COL24A1: variants seen among roughly 807,000 people sequenced by gnomAD.
COL24A1 encodes the protein collagen type XXIV alpha 1 chain.
In COL24A1, 224 loss-of-function variants were observed where a neutral mutation model predicts 253.9. The observed-to-expected ratio is 0.88, with a 90% CI of 0.79 to 0.99. The LOEUF (loss-of-function observed/expected upper bound fraction) is 0.99. COL24A1 is among the 50% of genes least tolerant of loss of function. The pLI is 0.00. For missense variants in COL24A1, 2,131 were observed against 2,068.5 expected, an observed-to-expected ratio of 1.03 and a Z score of -0.59; for synonymous variants, 685 against 673.7, an observed-to-expected ratio of 1.02 and a Z score of -0.26.
intron 26 of COL24A1, 102 bp from the exon 27 acceptor site, chr1:85,908,753 A>C: frequency 2.2e-6 from 1 of 463,874 alleles, no homozygotes; most frequent in Non-Finnish European, 3.8e-6. Flanking sequence ...AAAAAGGGAT[A>C]ATTTGACACA....
chr1:85,910,105 A>C, intron 25 of COL24A1, 102 bp from the exon 26 acceptor site: 1 of 710,406 alleles, frequency 1.4e-6, no homozygotes, highest in Middle Eastern at 2.6e-4. Flanking sequence ...ATCATGTCTT[A>C]CATGCATACA....
chr1:85,849,587 C>T (rs1442607179), intron 37 of COL24A1, among the ~76,000 whole-genome samples, 181 bp from the exon 38 acceptor site: 2 of 151,960 alleles, frequency 1.3e-5, no homozygotes, highest in Admixed American at 6.6e-5. Context: ...AGAGGTGTAG[C>T]TGTTATTAGC....
rs141174959 is a variant in COL24A1, at chr1:86,069,861, A to T, written c.1708-6102T>A. 2.0e-5 allele frequency among the ~76,000 whole-genome samples: 3 copies of T among 152,348 alleles called. No individual in the cohort carries two copies. The East Asian group carries it at 5.8e-4, about 29-fold the overall frequency. ...GAAAGCCTTCCCAAGAAGGACAGGC[A>T]CAAACAAGCCCAGACTATGAAGACT... On this transcript the variant is annotated intron_variant, in intron 7 of 59. Coordinates refer to ENST00000370571, the MANE Select transcript of COL24A1 (RefSeq NM_152890.7).
In COL24A1 at chr1:85,945,018, T is replaced by TTTTTTTTG. The variant is rs1553237033; in HGVS notation, c.2562+16230_2562+16231insCAAAAAAA. Among the ~76,000 whole-genome samples the TTTTTTTTG allele has an allele frequency of 7.4e-3, 643 of 86,852 alleles. 39 individuals are homozygous for TTTTTTTTG. Among genetic ancestry groups the TTTTTTTTG allele is most frequent in the East Asian group, 0.016 (38 of 2,372 alleles). The allele number at this position is 86,852 out of a possible 152,430, so 57.0% of individuals were successfully genotyped here. A position where few individuals can be genotyped will look rare whatever the true frequency, so the allele number is the denominator to read the frequency against. ...TATCATTGTGTTTTTTTTTTTTTTT[T>TTTTTTTTG]TTTTTTTTTTTTTTTTTGAGACAGA... On this transcript the variant is annotated intron_variant, in intron 24 of 59. Coordinates refer to ENST00000370571, the MANE Select transcript of COL24A1 (RefSeq NM_152890.7).
chr1:85,815,048 T>C (rs544785641), intron 47 of COL24A1, among the ~76,000 whole-genome samples: 151 of 152,318 alleles, frequency 9.9e-4, no homozygotes, highest in African/African-American at 3.1e-3. Flanking sequence ...TATAAACTAT[T>C]GGGTCCATCC....
chr1:85,997,055 G>GTGTATA lies in COL24A1; in HGVS notation c.2311-9402_2311-9401insTATACA. On this transcript the variant is annotated intron_variant, in intron 19 of 59. Coordinates refer to ENST00000370571, the MANE Select transcript of COL24A1 (RefSeq NM_152890.7). ...TATATATATATATGTGTGTGTGTGT[G>GTGTATA]TATATATATATATATATATATATAT... Among the ~76,000 whole-genome samples, 386 of 95,096 alleles carry GTGTATA rather than the reference G, an allele frequency of 4.1e-3. 3 individuals are homozygous for GTGTATA. Among genetic ancestry groups the GTGTATA allele is most frequent in the Middle Eastern group, 0.015 (3 of 198 alleles). 62.4% of individuals were successfully genotyped at this position (95,096 alleles called of 152,430 possible). A position where few individuals can be genotyped will look rare whatever the true frequency, so the allele number is the denominator to read the frequency against.
intron 22 of COL24A1, among the ~76,000 whole-genome samples, chr1:85,967,336 A>C (rs1314591561): frequency 6.6e-6 from 1 of 152,210 alleles, no homozygotes; most frequent in African/African-American, 2.4e-5. Context: ...ATAGGCTTGA[A>C]GATAGAATTC....
intron 52 of COL24A1, among the ~76,000 whole-genome samples, chr1:85,776,460 C>T: frequency 6.6e-6 from 1 of 151,186 alleles, no homozygotes; most frequent in East Asian, 1.9e-4. Context: ...TTTTCCTGTT[C>T]ATCCTTTTGA....
In COL24A1 at chr1:86,125,648, C is replaced by G; in HGVS notation, c.688G>C (p.Ala230Pro). The G allele has an allele frequency of 6.2e-7, 1 of 1,612,270 alleles. No homozygotes were observed. The highest frequency in any genetic ancestry group is 1.1e-5 in the South Asian group (1 of 91,012). The change falls in exon 3 of 60, where the codon GCA becomes CCA. Residue 230 changes from alanine (A) to proline (P), a missense_variant. Coordinates refer to ENST00000370571, the MANE Select transcript of COL24A1 (RefSeq NM_152890.7). Reference sequence around the variant, plus strand: ...ACATATCTGCAGTAGTCTGCAGATGCTTCTGCAGAAGGAATAATATCTAAC... The same window carrying G: ...ACATATCTGCAGTAGTCTGCAGATGGTTCTGCAGAAGGAATAATATCTAAC... Reference protein sequence around the residue: ...CQLDIIPSAEASADYCRYVKQ... With the variant: ...CQLDIIPSAEPSADYCRYVKQ...
chr1:85,886,110 T>G (rs1008814294), intron 32 of COL24A1, among the ~76,000 whole-genome samples: 1 of 151,988 alleles, frequency 6.6e-6, no homozygotes, highest in Non-Finnish European at 1.5e-5. Context: ...TCACCCAGGT[T>G]GGAGTGCAGT....
intron 45 of COL24A1, among the ~76,000 whole-genome samples, chr1:85,819,670 G>GAT (rs1262981671): frequency 6.6e-6 from 1 of 151,950 alleles, no homozygotes; most frequent in African/African-American, 2.4e-5. Context: ...ATAAAGAACA[G>GAT]ATTTAAAATA....
At chr1:86,046,681 C>T in intron 12 of COL24A1, 144 bp downstream of exon 12, 2 of 854,942 alleles carry the variant, frequency 2.3e-6, no homozygotes, top group Non-Finnish European at 3.7e-6. Context: ...TTATTTGATA[C>T]ACTATTCAAG....
intron 4 of COL24A1, among the ~76,000 whole-genome samples, chr1:86,113,171 A>T (rs895019496): frequency 7.9e-5 from 12 of 152,194 alleles, no homozygotes; most frequent in Non-Finnish European, 4.4e-5. Flanking sequence ...CTGAGTACCT[A>T]CTATGTGCTA....
At chr1:85,803,124 G>C (rs1391767694) in intron 47 of COL24A1, among the ~76,000 whole-genome samples, 1 of 152,106 alleles carries the variant, frequency 6.6e-6, no homozygotes, top group African/African-American at 2.4e-5. Flanking sequence ...AACATTTTTA[G>C]ATACTACCAA....
At chr1:86,134,709 A>T (rs74908822) in intron 2 of COL24A1, among the ~76,000 whole-genome samples, 7,463 of 69,992 alleles carry the variant, frequency 0.11, 544 homozygotes, top group South Asian at 0.22. Context: ...CTGTGGCCTG[A>T]GAGACAATTT....
At chr1:86,051,341 T>C (rs1281964675) in intron 10 of COL24A1, among the ~76,000 whole-genome samples, 46 of 152,072 alleles carry the variant, frequency 3.0e-4, no homozygotes, top group Admixed American at 3.0e-3. Context: ...GATTATGCAA[T>C]AGGTGATATG....
intron 53 of COL24A1, among the ~76,000 whole-genome samples, chr1:85,771,847 G>A (rs1668000532): frequency 6.7e-6 from 1 of 148,924 alleles, no homozygotes; most frequent in Admixed American, 6.7e-5. Flanking sequence ...TGTGCACATT[G>A]TGCAGGTTAG....
intron 43 of COL24A1, among the ~76,000 whole-genome samples, chr1:85,829,274 G>T (rs1182374557): frequency 1.3e-5 from 2 of 152,028 alleles, no homozygotes; most frequent in Non-Finnish European, 2.9e-5. Flanking sequence ...GGCTTGTAGA[G>T]TTTCTGCCAA....
chr1:85,859,358 A>G (rs1444392917), intron 37 of COL24A1, among the ~76,000 whole-genome samples: 1 of 152,218 alleles, frequency 6.6e-6, no homozygotes, highest in Non-Finnish European at 1.5e-5. Context: ...ACCAAAGTTT[A>G]TGAGTAAAAG....
Sources: allele counts gnomAD v4.1 joint callset (sites outside exome capture counted in the v4.1 genomes callset), GRCh38; gene constraint gnomAD v4.1.1; transcripts MANE v1.5; gene names NCBI Gene and HGNC (gene_info 2026-07-23, HGNC 2026-07-21).